Variants in TSPAN9 observed in about 807,000 individuals in gnomAD.
TSPAN9 encodes tetraspanin-9.
In TSPAN9, 16 loss-of-function variants were observed where a neutral mutation model predicts 31.0. That is an observed-to-expected ratio of 0.52 (90% CI 0.35 to 0.78). The LOEUF (loss-of-function observed/expected upper bound fraction) is 0.78, where lower values mean the gene tolerates loss of function less well. Ranked by LOEUF, TSPAN9 falls within the 30% of genes least tolerant of loss-of-function variation. The probability of loss-of-function intolerance (pLI) is 0.01; values close to 1 mark genes in which losing one functional copy is unlikely to be tolerated. For missense variants in TSPAN9, 272 were observed against 312.5 expected (o/e 0.87, Z 0.98); for synonymous variants, 145 against 121.6 (o/e 1.19, Z -1.27).
intron 2 of TSPAN9, among the ~76,000 whole-genome samples, chr12:3,160,294 C>T (rs1414601702): frequency 3.3e-5 from 5 of 152,316 alleles, no homozygotes; most frequent in East Asian, 1.9e-4. Context: ...CTTTTGATTA[C>T]GCAATAATAT....
Position 3,209,986 on chromosome 12 carries a change from AT to A in TSPAN9, c.63+8732del, listed in dbSNP as rs759733730. Among the ~76,000 whole-genome samples the A allele has an allele frequency of 1.8e-3, 69 of 38,734 alleles. 20 individuals are homozygous for A. The highest frequency in any genetic ancestry group is 3.4e-3 in the Non-Finnish European group (42 of 12,488). 25.4% of individuals were successfully genotyped at this position (38,734 alleles called of 152,430 possible). ...AAAAAAAAAAAAAAAAAAAAAAAAA[AT>A]TAGCCGGGTGTGGTGGCGGGTGCCT... On this transcript the variant is annotated intron_variant, in intron 3 of 8. Coordinates refer to ENST00000011898, the MANE Select transcript of TSPAN9 (RefSeq NM_006675.5).
rs1478911909 is a variant in TSPAN9, at chr12:3,278,992, T to C, written c.256T>C (p.Phe86Leu). Reference protein sequence around the residue: ...IKENKCLLLSFFIVLLVILLA... With the variant: ...IKENKCLLLSLFIVLLVILLA... Reference sequence around the variant, plus strand: ...CCATGCCTGGCCCTTTCCTTTCCAGTTTTTCATCGTCCTGTTGGTCATCCT... The same window carrying C: ...CCATGCCTGGCCCTTTCCTTTCCAGCTTTTCATCGTCCTGTTGGTCATCCT... The change falls in exon 5 of 9, where the codon TTT becomes CTT. Residue 86 changes from phenylalanine (F) to leucine (L), a missense_variant and splice_region_variant. Transcript: ENST00000011898. The C allele has an allele frequency of 6.2e-7, 1 of 1,614,110 alleles. No individual in the cohort carries two copies. Among genetic ancestry groups the C allele is most frequent in the Non-Finnish European group, 8.5e-7 (1 of 1,179,972 alleles).
rs187389852 is a variant in TSPAN9 at position 3,251,142 on chromosome 12, G to T, written c.64-27279G>T. On this transcript the variant is annotated intron_variant, in intron 3 of 8. Transcript: ENST00000011898. ...ACTTTGTGGCACTGTGGGCTACTTAGAAGTTGTGGACATTTTCAAGATCAA... is the reference window on the plus strand; with the variant it reads ...ACTTTGTGGCACTGTGGGCTACTTATAAGTTGTGGACATTTTCAAGATCAA... Among the ~76,000 whole-genome samples, 8 of 152,350 alleles carry T rather than the reference G, an allele frequency of 5.3e-5. No individual in the cohort carries two copies. In the East Asian group the frequency reaches 1.3e-3, roughly 26 times the overall value.
intron 2 of TSPAN9, among the ~76,000 whole-genome samples, chr12:3,163,094 T>C (rs2098346311): frequency 6.6e-6 from 1 of 152,200 alleles, no homozygotes; most frequent in East Asian, 1.9e-4. Context: ...AGCACTCCCA[T>C]GCTTGTTCGT....
At chr12:3,106,006 ACT>A (rs2153964844) in intron 2 of TSPAN9, among the ~76,000 whole-genome samples, 1 of 150,628 alleles carries the variant, frequency 6.6e-6, no homozygotes, top group South Asian at 2.1e-4. Context: ...GCACACACAC[ACT>A]CATATACCCC....
intron 3 of TSPAN9, among the ~76,000 whole-genome samples, chr12:3,256,559 C>T (rs1302870060): frequency 6.6e-6 from 1 of 152,156 alleles, no homozygotes; most frequent in Non-Finnish European, 1.5e-5. Flanking sequence ...GGGAGCGGCC[C>T]GGCTAGGGCT....
At chr12:3,210,504 G>A (rs7962640) in intron 3 of TSPAN9, among the ~76,000 whole-genome samples, 81,623 of 151,960 alleles carry the variant, frequency 0.54, 22,709 homozygotes, top group Middle Eastern at 0.68. Flanking sequence ...TTATTGAGTT[G>A]CGTTTTTTCT....
At chr12:3,158,031 A>C (rs2098343156) in intron 2 of TSPAN9, among the ~76,000 whole-genome samples, 1 of 152,120 alleles carries the variant, frequency 6.6e-6, no homozygotes, top group Admixed American at 6.5e-5. Flanking sequence ...AAGATGAAGG[A>C]CTGTCAGCAC....
chr12:3,254,572 T>G (rs1446661248), intron 3 of TSPAN9, among the ~76,000 whole-genome samples: 1 of 152,188 alleles, frequency 6.6e-6, no homozygotes, highest in Non-Finnish European at 1.5e-5. Context: ...TCCGTTCTGA[T>G]GATGATGATG....
At chr12:3,153,997 G>A (rs1405125097) in intron 2 of TSPAN9, among the ~76,000 whole-genome samples, 1 of 108,298 alleles carries the variant, frequency 9.2e-6, no homozygotes, top group Non-Finnish European at 1.8e-5. Context: ...TAATATATTA[G>A]TATTATATAT....
intron 2 of TSPAN9, among the ~76,000 whole-genome samples, chr12:3,199,717 G>T (rs2098370075): frequency 6.6e-6 from 1 of 152,166 alleles, no homozygotes; most frequent in Non-Finnish European, 1.5e-5. Flanking sequence ...GGAGCGCCTT[G>T]TGTGCGCGCC....
intron 2 of TSPAN9, among the ~76,000 whole-genome samples, chr12:3,154,024 G>A (rs2098341118): frequency 6.6e-6 from 1 of 150,460 alleles, no homozygotes; most frequent in African/African-American, 2.4e-5. Flanking sequence ...GTGTGTGTGT[G>A]TGTGTGTGTG....
chr12:3,079,268 C>T (rs924426453), intron 1 of TSPAN9, among the ~76,000 whole-genome samples: 4 of 152,042 alleles, frequency 2.6e-5, no homozygotes, highest in African/African-American at 7.2e-5. Context: ...CGTGAGCCAC[C>T]GCATTGGCTG....
intron 2 of TSPAN9, among the ~76,000 whole-genome samples, chr12:3,132,074 C>T (rs1410062082): frequency 6.6e-6 from 1 of 152,234 alleles, no homozygotes; most frequent in African/African-American, 2.4e-5. Flanking sequence ...TCAAGGCTCA[C>T]GCATGCTGTA....
intron 2 of TSPAN9, among the ~76,000 whole-genome samples, chr12:3,113,372 C>T (rs892233859): frequency 7.9e-5 from 12 of 152,124 alleles, no homozygotes; most frequent in African/African-American, 2.9e-4. Context: ...AACACAAGTG[C>T]AATTATGTTT....
chr12:3,086,110 A>G (rs565584466), intron 2 of TSPAN9, among the ~76,000 whole-genome samples: 2 of 152,352 alleles, frequency 1.3e-5, no homozygotes, highest in South Asian at 2.1e-4. Flanking sequence ...AACTTCAATC[A>G]TAGCCACAGC....
chr12:3,247,857 G>A (rs966296447), intron 3 of TSPAN9, among the ~76,000 whole-genome samples: 4 of 152,170 alleles, frequency 2.6e-5, no homozygotes, highest in African/African-American at 7.2e-5. Flanking sequence ...ATTGAGAGGA[G>A]GAGCTCCCCC....
intron 1 of TSPAN9, among the ~76,000 whole-genome samples, chr12:3,083,433 C>G (rs1361783784): frequency 2.0e-5 from 3 of 152,194 alleles, no homozygotes; most frequent in African/African-American, 7.2e-5. Flanking sequence ...TCTGCTGGGC[C>G]AGGGCTTGGG....
intron 2 of TSPAN9, among the ~76,000 whole-genome samples, chr12:3,157,552 T>G (rs1232893119): frequency 1.3e-5 from 2 of 152,236 alleles, no homozygotes; most frequent in African/African-American, 2.4e-5. Context: ...TCACTGGGTA[T>G]TTTGTAAGGG....
Sources: gnomAD v4.1 joint callset for allele counts (sites outside exome capture counted in the v4.1 genomes callset) on GRCh38, gnomAD v4.1.1 for gene constraint, MANE v1.5 for transcripts, NCBI Gene and HGNC (gene_info 2026-07-23, HGNC 2026-07-21) for gene names.